FREM1: variants seen among roughly 807,000 people sequenced by gnomAD.
FREM1 encodes the protein FRAS1-related extracellular matrix protein 1.
Under a neutral mutation model 210.1 loss-of-function variants are expected in FREM1, and 220 were observed. The observed-to-expected ratio is 1.05, with a 90% CI of 0.94 to 1.17. FREM1 has a LOEUF of 1.17. FREM1 is among the 50% of genes most tolerant of loss of function. FREM1 has a pLI of 0.00. For synonymous variants in FREM1, 1,189 were observed against 980.2 expected, an observed-to-expected ratio of 1.21 and a Z score of -3.98; for missense variants, 3,454 against 2,675.5, an observed-to-expected ratio of 1.29 and a Z score of -6.42.
intron 9 of FREM1, 85 bp from the exon 10 acceptor site, chr9:14,841,674 T>A (rs537586554): frequency 9.4e-7 from 1 of 1,067,668 alleles, no homozygotes; most frequent in Admixed American, 2.5e-5. Context: ...TCTTCAAAAG[T>A]CTTATCTGTC....
chr9:14,755,589 C>G (rs1370269198), intron 29 of FREM1, among the ~76,000 whole-genome samples: 1 of 152,174 alleles, frequency 6.6e-6, no homozygotes, highest in Non-Finnish European at 1.5e-5. Flanking sequence ...CCACAGAAGC[C>G]AGGGAAAGAT....
intron 5 of FREM1, among the ~76,000 whole-genome samples, chr9:14,857,274 G>T (rs987111007): frequency 6.6e-6 from 1 of 152,158 alleles, no homozygotes; most frequent in East Asian, 1.9e-4. Context: ...AGTAAAGGAG[G>T]AAGAAGGTTA....
At position 14,754,921 on chromosome 9, in the gene FREM1, G is replaced by A. The variant is rs564849887; in HGVS notation, c.5407+1453C>T. 7.2e-5 allele frequency among the ~76,000 whole-genome samples: 11 copies of A among 152,210 alleles called. No individual in the cohort carries two copies. In the South Asian group the frequency reaches 1.2e-3, roughly 17 times the overall value. ...TGCACTCCAGCCTGGGTGACGCAGC[G>A]TGACTCCATCTCAAAAAAGAAAAAA... On this transcript the variant is annotated intron_variant, in intron 29 of 36. Coordinates refer to ENST00000380880, the MANE Select transcript of FREM1 (RefSeq NM_001379081.2).
rs377147206 is a variant in FREM1 at position 14,737,499 on chromosome 9, T to G, written c.6437A>C (p.Lys2146Thr). ...AACCAAAACACAGCTCTTTCCAAGC[T>G]TGGAGCGTTGAGAGGGCCCTCTTCT... is the stretch of plus-strand genomic sequence containing the variant. ...NGRRGPSQRS[K>T]LGKSCVLVQR... The change falls in exon 37 of 37, where the codon AAG (lysine) becomes ACG (threonine). Residue 2146 changes from lysine (K) to threonine (T), a missense_variant. Physicochemically the swap from Lys to Thr is moderately conservative, Grantham distance 78. Coordinates refer to ENST00000380880, the MANE Select transcript of FREM1 (RefSeq NM_001379081.2). The G allele has an allele frequency of 1.2e-6, 2 of 1,613,560 alleles. No individual in the cohort carries two copies. Among genetic ancestry groups the G allele is most frequent in the South Asian group, 2.2e-5 (2 of 91,024 alleles).
chr9:14,790,598 G>A (rs915963532), intron 22 of FREM1: 1 of 152,044 alleles, frequency 6.6e-6, no homozygotes, highest in Non-Finnish European at 1.5e-5. Context: ...ACTCCAAAAT[G>A]TAAGACTGAC....
intron 9 of FREM1, 28 bp downstream of exon 9, chr9:14,842,288 C>A: frequency 7.2e-7 from 1 of 1,392,142 alleles, no homozygotes; most frequent in South Asian, 1.4e-5. Context: ...GAATTCCATT[C>A]AAATGATCTT....
At chr9:14,746,573 G>C in intron 34 of FREM1, 105 bp from the exon 35 acceptor site, 1 of 871,770 alleles carries the variant, frequency 1.1e-6, no homozygotes, top group Non-Finnish European at 1.9e-6. Context: ...AAGTAGTTTG[G>C]TTACCACAAA....
At chr9:14,782,433 C>G (rs1849779470) in intron 24 of FREM1, 1 of 711,954 alleles carries the variant, frequency 1.4e-6, no homozygotes, top group Non-Finnish European at 1.7e-6. Flanking sequence ...TCACTGGTTT[C>G]TTCAAGACAG....
intron 24 of FREM1, 125 bp downstream of exon 24, chr9:14,784,245 C>A: frequency 1.2e-6 from 1 of 822,044 alleles, no homozygotes; most frequent in African/African-American, 1.7e-5. Context: ...TTAAGGTATA[C>A]AGCGTGATGT....
At chr9:14,825,324 C>T (rs946520066) in intron 10 of FREM1, among the ~76,000 whole-genome samples, 2 of 151,038 alleles carry the variant, frequency 1.3e-5, no homozygotes, top group Non-Finnish European at 3.0e-5. Flanking sequence ...CCCGTCTCTA[C>T]GAAAAATTCA....
intron 21 of FREM1, among the ~76,000 whole-genome samples, chr9:14,794,111 T>C (rs552177646): frequency 1.3e-5 from 2 of 152,336 alleles, no homozygotes; most frequent in African/African-American, 4.8e-5. Flanking sequence ...ATTCAATGTC[T>C]GGAAGCCAAG....
intron 35 of FREM1, among the ~76,000 whole-genome samples, chr9:14,740,470 T>A (rs1288602878): frequency 6.6e-6 from 1 of 152,166 alleles, no homozygotes; most frequent in African/African-American, 2.4e-5. Context: ...GCAAAAAACA[T>A]CGATAGGTTT....
chr9:14,754,047 C>G (rs556951482), intron 29 of FREM1, among the ~76,000 whole-genome samples: 2 of 152,270 alleles, frequency 1.3e-5, no homozygotes, highest in South Asian at 2.1e-4. Context: ...ATTTCAGAGT[C>G]TCTTGTAGTG....
chr9:14,826,547 A>T (rs909314857), intron 10 of FREM1, among the ~76,000 whole-genome samples: 8 of 152,152 alleles, frequency 5.3e-5, no homozygotes, highest in African/African-American at 1.9e-4. Context: ...GGCTCTTCTT[A>T]GACCTTTCTC....
At chr9:14,864,036 T>C in intron 2 of FREM1, 133 bp from the exon 3 acceptor site, 2 of 643,214 alleles carry the variant, frequency 3.1e-6, no homozygotes, top group Non-Finnish European at 5.7e-6. Flanking sequence ...TGTGTGTGTC[T>C]TCACCACCAC....
At chr9:14,816,022 A>G (rs1258640318) in intron 15 of FREM1, among the ~76,000 whole-genome samples, 1 of 152,108 alleles carries the variant, frequency 6.6e-6, no homozygotes, top group Non-Finnish European at 1.5e-5. Context: ...TGCTAGGACT[A>G]TATGGTACAG....
At chr9:14,834,773 T>C (rs763260415) in intron 10 of FREM1, among the ~76,000 whole-genome samples, 29 of 152,176 alleles carry the variant, frequency 1.9e-4, no homozygotes, top group Admixed American at 5.2e-4. Context: ...TGAACACTAA[T>C]ATATGTTCAA....
At chr9:14,821,627 G>C (rs1323420556) in intron 13 of FREM1, among the ~76,000 whole-genome samples, 1 of 152,208 alleles carries the variant, frequency 6.6e-6, no homozygotes, top group East Asian at 1.9e-4. Context: ...TCAAAGAATG[G>C]AGTTAGTTTA....
At chr9:14,755,280 T>G (rs10756610) in intron 29 of FREM1, among the ~76,000 whole-genome samples, 69,385 of 152,104 alleles carry the variant, frequency 0.46, 16,972 homozygotes, top group East Asian at 0.59. Flanking sequence ...TTCTTTTCTG[T>G]GTTTGACATT....
Sources: allele counts gnomAD v4.1 joint callset (sites outside exome capture counted in the v4.1 genomes callset), GRCh38; gene constraint gnomAD v4.1.1; transcripts MANE v1.5; gene names NCBI Gene and HGNC (gene_info 2026-07-23, HGNC 2026-07-21).